RUNX1T1: variants seen among roughly 807,000 people sequenced by gnomAD.
RUNX1T1 encodes the protein RUNX1 partner transcriptional co-repressor 1.
Under a neutral mutation model 62.8 loss-of-function variants are expected in RUNX1T1, and 4 were observed. That is an observed-to-expected ratio of 0.06 (90% CI 0.03 to 0.15). The LOEUF (loss-of-function observed/expected upper bound fraction) is 0.15, where lower values mean the gene tolerates loss of function less well. RUNX1T1 is among the 10% of genes least tolerant of loss of function. The pLI is 1.00. For missense variants in RUNX1T1, 508 were observed against 754.3 expected, an observed-to-expected ratio of 0.67 and a Z score of 3.82; for synonymous variants, 291 against 286.0, an observed-to-expected ratio of 1.02 and a Z score of -0.18.
chr8:92,053,013 C>A (rs1830463944), intron 1 of RUNX1T1, among the ~76,000 whole-genome samples: 1 of 152,112 alleles, frequency 6.6e-6, no homozygotes, highest in South Asian at 2.1e-4. Context: ...AAAGATTATT[C>A]TTTTAAGAGA....
At chr8:92,028,408 C>T (rs532875712) in intron 1 of RUNX1T1, among the ~76,000 whole-genome samples, 1 of 152,190 alleles carries the variant, frequency 6.6e-6, no homozygotes, top group African/African-American at 2.4e-5. Flanking sequence ...TGTCATCCCT[C>T]CCACAGCTGT....
At chr8:91,957,056 GAGTA>G (rs1265078689), downstream of RUNX1T1, 1 of 217,138 alleles carries the variant, frequency 4.6e-6, no homozygotes, top group Non-Finnish European at 9.3e-6. Context: ...AAAGAGAAAA[GAGTA>G]AGAGACAGAG....
chr8:92,010,958 A>T, intron 4 of RUNX1T1, 44 bp downstream of exon 5: 1 of 1,119,424 alleles, frequency 8.9e-7, no homozygotes, highest in South Asian at 1.3e-5. Flanking sequence ...ACCTAGCAAC[A>T]ATATGGTTTA....
intron 5 of RUNX1T1, among the ~76,000 whole-genome samples, chr8:92,001,445 A>T (rs1819742354): frequency 6.6e-6 from 1 of 152,214 alleles, no homozygotes; most frequent in Non-Finnish European, 1.5e-5. Flanking sequence ...TCTGAAGTTC[A>T]ACCAATTATT....
At chr8:91,981,163 C>T (rs2130768554) in intron 8 of RUNX1T1, among the ~76,000 whole-genome samples, 1 of 152,126 alleles carries the variant, frequency 6.6e-6, no homozygotes, top group East Asian at 1.9e-4. Context: ...TGCCAAAGGC[C>T]ACAAAACTAA....
intron 1 of RUNX1T1, among the ~76,000 whole-genome samples, chr8:92,037,677 A>G (rs915456677): frequency 6.6e-6 from 1 of 151,794 alleles, no homozygotes; most frequent in Non-Finnish European, 1.5e-5. Context: ...AATCCATCTC[A>G]AAAAAAATAA....
intron 3 of RUNX1T1, among the ~76,000 whole-genome samples, chr8:92,011,780 G>A (rs1821979370): frequency 6.6e-6 from 1 of 152,104 alleles, no homozygotes; most frequent in Non-Finnish European, 1.5e-5. Context: ...AATTAACTCA[G>A]ATTCACTTCT....
chr8:92,004,667 A>T (rs1252820137), intron 5 of RUNX1T1: 1 of 153,290 alleles, frequency 6.5e-6, no homozygotes, highest in Admixed American at 6.5e-5. Context: ...CAAAACAAAT[A>T]ACTACTGTAC....
At chr8:92,023,508 T>A (rs1824529768) in intron 1 of RUNX1T1, among the ~76,000 whole-genome samples, 1 of 152,192 alleles carries the variant, frequency 6.6e-6, no homozygotes, top group Admixed American at 6.5e-5. Flanking sequence ...CCATAAACAT[T>A]AAAATTAATG....
chr8:92,091,077 C>T (rs912176504), intron 1 of RUNX1T1, among the ~76,000 whole-genome samples: 1 of 152,096 alleles, frequency 6.6e-6, no homozygotes, highest in Admixed American at 6.6e-5. Context: ...ATTAATGAAC[C>T]CAGTCAATCA....
At chr8:92,052,527 A>C (rs1830395010) in intron 1 of RUNX1T1, among the ~76,000 whole-genome samples, 1 of 152,264 alleles carries the variant, frequency 6.6e-6, no homozygotes, top group Admixed American at 6.5e-5. Context: ...ATAAGATTAA[A>C]TGAACAATAT....
At chr8:92,008,772 T>C (rs1013862373) in intron 4 of RUNX1T1, among the ~76,000 whole-genome samples, 5 of 152,156 alleles carry the variant, frequency 3.3e-5, no homozygotes, top group Admixed American at 6.5e-5. Context: ...AAAATGCACA[T>C]TTATTTGGCT....
intron 1 of RUNX1T1, among the ~76,000 whole-genome samples, chr8:92,059,430 G>A (rs1230247625): frequency 6.6e-6 from 1 of 152,130 alleles, no homozygotes; most frequent in Non-Finnish European, 1.5e-5. Context: ...TCGCTTGCAA[G>A]CATTGATGTT....
intron 5 of RUNX1T1, among the ~76,000 whole-genome samples, chr8:92,002,229 C>A (rs1819895927): frequency 1.3e-5 from 2 of 152,022 alleles, no homozygotes; most frequent in African/African-American, 4.8e-5. Context: ...TTGGGTTCTA[C>A]AATATTCTCT....
intron 10 of RUNX1T1, among the ~76,000 whole-genome samples, chr8:91,962,208 GTTC>G (rs758528848): frequency 9.9e-5 from 15 of 152,162 alleles, no homozygotes; most frequent in Admixed American, 7.2e-4. Context: ...CCAGCTCCAC[GTTC>G]TTATTTCTTT....
intron 1 of RUNX1T1, among the ~76,000 whole-genome samples, chr8:92,024,952 T>C (rs543927801): frequency 6.6e-6 from 1 of 152,194 alleles, no homozygotes; most frequent in Non-Finnish European, 1.5e-5. Context: ...GGGAATAAAC[T>C]CAAATAATGT....
intron 1 of RUNX1T1, among the ~76,000 whole-genome samples, chr8:92,099,404 C>T (rs146244930): frequency 6.6e-6 from 1 of 152,298 alleles, no homozygotes; most frequent in Non-Finnish European, 1.5e-5. Context: ...TTAAAAGCAA[C>T]TCCATTCCAT....
At chr8:91,997,301 A>G (rs996611043) in intron 5 of RUNX1T1, among the ~76,000 whole-genome samples, 1 of 152,174 alleles carries the variant, frequency 6.6e-6, no homozygotes, top group Admixed American at 6.5e-5. Flanking sequence ...ACATAAGTAG[A>G]ACAAGAGGAC....
intron 1 of RUNX1T1, among the ~76,000 whole-genome samples, chr8:92,092,685 T>G (rs1219175030): frequency 6.6e-6 from 1 of 152,174 alleles, no homozygotes; most frequent in Non-Finnish European, 1.5e-5. Context: ...AAATAAATTT[T>G]GTTTTGTGTG....
Sources: allele counts gnomAD v4.1 joint callset (sites outside exome capture counted in the v4.1 genomes callset), GRCh38; gene constraint gnomAD v4.1.1; transcripts MANE v1.5; gene names NCBI Gene and HGNC (gene_info 2026-07-23, HGNC 2026-07-21).